XYLB: variants seen among roughly 807,000 people sequenced by gnomAD.
The protein encoded by XYLB is xylulokinase, also known as xylulose kinase.
A neutral mutation model predicts 78.7 loss-of-function variants in XYLB; 62 were observed. The ratio of observed to expected loss-of-function variants is 0.79; its 90% CI spans 0.64 to 0.97. The LOEUF (loss-of-function observed/expected upper bound fraction) is 0.97. Ranked by LOEUF, XYLB falls within the 50% of genes least tolerant of loss-of-function variation. XYLB has a pLI of 0.00. For synonymous variants in XYLB, 245 were observed against 247.4 expected (o/e 0.99, Z 0.09); for missense variants, 687 against 676.8 (o/e 1.02, Z -0.17).
intron 14 of XYLB, 75 bp downstream of exon 14, chr3:38,377,066 T>A: frequency 7.5e-7 from 1 of 1,325,224 alleles, no homozygotes; most frequent in Non-Finnish European, 1.1e-6. Flanking sequence ...CCTATCAAAT[T>A]ATGTTACTTT....
At chr3:38,405,690 G>A (rs925224346) in intron 18 of XYLB, among the ~76,000 whole-genome samples, 2 of 152,230 alleles carry the variant, frequency 1.3e-5, no homozygotes, top group African/African-American at 2.4e-5. Context: ...CTAATACTGC[G>A]CTTTTCCGAC....
At chr3:38,438,317 C>A in the XYLB span, among the ~76,000 whole-genome samples, 3 of 151,894 alleles carry the variant, frequency 2.0e-5, no homozygotes, top group Non-Finnish European at 4.4e-5. Flanking sequence ...AAGTGAAAGA[C>A]CTGTACATGG....
chr3:38,426,456 A>G, the XYLB span, among the ~76,000 whole-genome samples: 1 of 152,224 alleles, frequency 6.6e-6, no homozygotes. Context: ...GAAGGAACAA[A>G]TATTTCAATC....
chr3:38,425,044 T>C (rs1709073145), downstream of XYLB, among the ~76,000 whole-genome samples: 1 of 152,256 alleles, frequency 6.6e-6, no homozygotes, highest in South Asian at 2.1e-4. Flanking sequence ...TGCCAAATGG[T>C]GCATTCCTCG....
chr3:38,372,036 C>T (rs704951), intron 9 of XYLB, among the ~76,000 whole-genome samples: 124,222 of 152,194 alleles, frequency 0.82, 53,266 homozygotes, highest in Non-Finnish European at 0.94. Context: ...GCTTGAGGAT[C>T]GGGAAAGAAC....
At position 38,374,520 on chromosome 3, in the gene XYLB, A is replaced by G. The variant is rs1706747183; in HGVS notation, c.888+18A>G. The G allele has an allele frequency of 3.1e-6, 5 of 1,613,114 alleles. No homozygotes were observed. The East Asian group carries it at 8.9e-5, about 29-fold the overall frequency. On this transcript the variant is annotated intron_variant, in intron 11 of 18. Transcript: ENST00000207870. ...ACATTGCGGTAAGGCGACTTCCCAC[A>G]CCCATAGGCTCTTTCTGTTTCCACA...
At chr3:38,362,780 T>C (rs1243625094) in intron 3 of XYLB, among the ~76,000 whole-genome samples, 157 bp from the exon 4 acceptor site, 1 of 152,262 alleles carries the variant, frequency 6.6e-6, no homozygotes, top group Non-Finnish European at 1.5e-5. Flanking sequence ...GTTTAATTAA[T>C]GTACTCTAGT....
At chr3:38,439,235 C>A in the XYLB span, among the ~76,000 whole-genome samples, 1 of 152,112 alleles carries the variant, frequency 6.6e-6, no homozygotes, top group Non-Finnish European at 1.5e-5. Context: ...GAACTCTAGG[C>A]CAGCCAAAGG....
chr3:38,355,614 G>T (rs1242367210), intron 2 of XYLB: 1 of 623,286 alleles, frequency 1.6e-6, no homozygotes, highest in Non-Finnish European at 2.9e-6. Flanking sequence ...TTGTAGTTAT[G>T]TTCAGCCATG....
At chr3:38,378,368 G>T (rs1706972111) in intron 14 of XYLB, among the ~76,000 whole-genome samples, 1 of 152,246 alleles carries the variant, frequency 6.6e-6, no homozygotes, top group Non-Finnish European at 1.5e-5. Flanking sequence ...GGTGGCCCTT[G>T]CTCCCCAGAG....
At position 38,414,131 on chromosome 3, in the gene XYLB, G is replaced by C. The variant is rs565456502; in HGVS notation, c.*1118G>C. ...TTTTTCTGCCCAAGGCCTTTACTGA[G>C]CTCAGGACTCCAGCTAAATCAAAAT... On this transcript the variant is annotated 3_prime_UTR_variant, in exon 19 of 19. Transcript: ENST00000207870. 1 of 152,142 alleles carries C rather than the reference G, an allele frequency of 6.6e-6. No individual in the cohort carries two copies. The highest frequency in any genetic ancestry group is 2.4e-5 in the African/African-American group (1 of 41,432). The allele number at this position is 152,142 out of a possible 1,614,324, so 9.4% of individuals were successfully genotyped here. A position where few individuals can be genotyped will look rare whatever the true frequency, so the allele number is the denominator to read the frequency against.
chr3:38,447,385 C>G, the XYLB span, among the ~76,000 whole-genome samples: 2 of 152,038 alleles, frequency 1.3e-5, no homozygotes, highest in East Asian at 1.9e-4. Context: ...CTCAGTGGAG[C>G]CTTCACCTCC....
At chr3:38,381,563 A>G (rs1457587005) in intron 15 of XYLB, among the ~76,000 whole-genome samples, 1 of 152,234 alleles carries the variant, frequency 6.6e-6, no homozygotes, top group African/African-American at 2.4e-5. Context: ...TGGGAAAAAT[A>G]TCGCTGAATT....
At chr3:38,400,344 C>T (rs566554471) in intron 17 of XYLB, among the ~76,000 whole-genome samples, 1 of 152,280 alleles carries the variant, frequency 6.6e-6, no homozygotes, top group African/African-American at 2.4e-5. Flanking sequence ...GGGAAAAGTG[C>T]TCTGAGGAAA....
chr3:38,420,662 C>T (rs925541227), downstream of XYLB, among the ~76,000 whole-genome samples: 1 of 152,070 alleles, frequency 6.6e-6, no homozygotes, highest in African/African-American at 2.4e-5. Flanking sequence ...ATATATGGCC[C>T]TTCAGATTTT....
Position 38,395,546 on chromosome 3 carries a change from A to G in XYLB, c.1333A>G (p.Asn445Asp), listed in dbSNP as rs368611232. 1.1e-4 allele frequency: 175 copies of G among 1,614,092 alleles called. No individual in the cohort carries two copies. The highest frequency in any genetic ancestry group is 1.5e-4 in the Non-Finnish European group (173 of 1,180,038). ...KILATGGASHNREILQVLADV... is the reference protein window; with the variant it reads ...KILATGGASHDREILQVLADV... ...TTTGGCCACAGGAGGAGCATCTCAC[A>G]ATAGAGAAATCTTACAGGTAAGCGT... The change falls in exon 16 of 19, where the codon AAT (asparagine) becomes GAT (aspartate). Residue 445 changes from asparagine (N) to aspartate (D), a missense_variant. Physicochemically the swap from Asn to Asp is conservative, Grantham distance 23 (BLOSUM62 1). Transcript: ENST00000207870.
chr3:38,434,459 T>A, the XYLB span, among the ~76,000 whole-genome samples: 1 of 152,214 alleles, frequency 6.6e-6, no homozygotes, highest in African/African-American at 2.4e-5. Flanking sequence ...CCAAAAATAT[T>A]TTATTCAACA....
the XYLB span, among the ~76,000 whole-genome samples, chr3:38,447,861 CGGA>C: frequency 1.3e-5 from 2 of 152,036 alleles, no homozygotes; most frequent in South Asian, 4.1e-4. Context: ...CATTCATCAA[CGGA>C]TGAACAGATA....
In XYLB at chr3:38,375,138, C is replaced by T. The variant is rs1379462305; in HGVS notation, c.889-6C>T. The stretch of plus-strand genomic sequence containing the variant: ...AAGGTGCCCACCTCTGCCTATCTCT[C>T]CTCAGGTCAGCCTGGGCACCAGTGA... On this transcript the variant is annotated splice_polypyrimidine_tract_variant and splice_region_variant and intron_variant, in intron 11 of 18. Transcript: ENST00000207870. 3 of 1,612,652 alleles carry T rather than the reference C, an allele frequency of 1.9e-6. No homozygotes were observed. The highest frequency in any genetic ancestry group is 2.5e-6 in the Non-Finnish European group (3 of 1,179,334).
Sources: gnomAD v4.1 joint callset for allele counts (sites outside exome capture counted in the v4.1 genomes callset) on GRCh38, gnomAD v4.1.1 for gene constraint, MANE v1.5 for transcripts, NCBI Gene and HGNC (gene_info 2026-07-23, HGNC 2026-07-21) for gene names.